Variants in TAF4 observed in about 807,000 individuals in gnomAD.
TAF4 encodes transcription initiation factor TFIID subunit 4.
TAF4 carries 9 observed loss-of-function variants against 90.3 expected under a neutral mutation model. That is an observed-to-expected ratio of 0.10 (90% CI 0.06 to 0.17). The LOEUF (loss-of-function observed/expected upper bound fraction) is 0.17. Among genes scored for constraint, TAF4 ranks in the 10% least tolerant of loss-of-function variants. The pLI is 1.00. For synonymous variants in TAF4, 818 were observed against 638.9 expected, an observed-to-expected ratio of 1.28 and a Z score of -4.23; for missense variants, 1,351 against 1,370.7, an observed-to-expected ratio of 0.99 and a Z score of 0.23.
intron 1 of TAF4, among the ~76,000 whole-genome samples, chr20:62,040,903 A>C (rs116615891): frequency 4.3e-4 from 66 of 152,364 alleles, no homozygotes; most frequent in African/African-American, 1.5e-3. Context: ...GTTCAAAAAG[A>C]AGCTTTATTC....
At chr20:62,051,072 G>A (rs1186912344) in intron 1 of TAF4, among the ~76,000 whole-genome samples, 2 of 152,212 alleles carry the variant, frequency 1.3e-5, no homozygotes, top group Non-Finnish European at 2.9e-5. Context: ...AGAAAGGGAG[G>A]AAATCACCAT....
intron 1 of TAF4, among the ~76,000 whole-genome samples, chr20:62,027,746 T>TA (rs2145490294): frequency 6.6e-6 from 1 of 152,356 alleles, no homozygotes; most frequent in South Asian, 2.1e-4. Flanking sequence ...CTAAATCACA[T>TA]ATTCATTCAA....
chr20:61,976,124 C>T lies in TAF4; in HGVS notation c.*44G>A, dbSNP rs751488620. The T allele has an allele frequency of 5.0e-6, 8 of 1,600,294 alleles. No homozygotes were observed. Among genetic ancestry groups the T allele is most frequent in the South Asian group, 2.2e-5 (2 of 90,756 alleles). On this transcript the variant is annotated 3_prime_UTR_variant, in exon 15 of 15. Transcript: ENST00000252996. ...ATCCCATTTGCTCGTTACAAAAAGG[C>T]GTAATCTGCAAATATATAAAAAGTC... is the stretch of plus-strand genomic sequence containing the variant.
intron 13 of TAF4, 56 bp downstream of exon 13, chr20:61,998,078 TGG>T: frequency 2.6e-6 from 4 of 1,516,700 alleles, no homozygotes; most frequent in Non-Finnish European, 3.6e-6. Flanking sequence ...CCCCCTCCCG[TGG>T]GGCGCTACAG....
intron 7 of TAF4, among the ~76,000 whole-genome samples, chr20:62,004,328 C>CTTTTTTTTTTTTTTTTTTTTTTTT (rs60437230): frequency 5.1e-5 from 6 of 117,196 alleles, no homozygotes; most frequent in Admixed American, 9.4e-5. Context: ...CTTTTCTTTT[C>CTTTTTTTTTTTTTTTTTTTTTTTT]TTTTTTTTTT....
chr20:62,016,204 T>G (rs1214218117), intron 1 of TAF4, among the ~76,000 whole-genome samples: 4 of 152,222 alleles, frequency 2.6e-5, no homozygotes, highest in Non-Finnish European at 5.9e-5. Flanking sequence ...ACTCGGCGCC[T>G]GGGGACCCCA....
intron 7 of TAF4, chr20:62,005,154 C>A (rs1268970553): frequency 3.3e-5 from 5 of 152,008 alleles, no homozygotes; most frequent in Non-Finnish European, 1.5e-5. Context: ...AGGCAATGCT[C>A]AGGCCAGGCC....
intron 1 of TAF4, among the ~76,000 whole-genome samples, chr20:62,046,235 G>A (rs1235972256): frequency 1.3e-5 from 2 of 152,232 alleles, no homozygotes; most frequent in Non-Finnish European, 2.9e-5. Context: ...CTGAAATACA[G>A]TTTACATAAA....
intron 9 of TAF4, among the ~76,000 whole-genome samples, chr20:62,001,760 G>A (rs2055705670): frequency 1.3e-5 from 2 of 152,170 alleles, no homozygotes; most frequent in African/African-American, 2.4e-5. Flanking sequence ...TGACATCCAC[G>A]TCCACGTCAT....
At chr20:62,016,410 G>A (rs1226985323) in intron 1 of TAF4, among the ~76,000 whole-genome samples, 1 of 152,240 alleles carries the variant, frequency 6.6e-6, no homozygotes, top group Non-Finnish European at 1.5e-5. Flanking sequence ...TGCCAGCGTG[G>A]CTAGAATAAA....
At position 61,976,255 on chromosome 20, in the gene TAF4, C is replaced by T; in HGVS notation, c.3171G>A (p.Arg1057=). ...PRQFTRQRIT[R]VNLRDLIFCL... is the part of the protein sequence containing the mutation. ...AAAATATGAGGTCCCTGAGGTTGAC[C>T]CGCGTGATTCTTTGTCGCGTGAACT... The change falls in exon 15 of 15, where the codon CGG becomes CGA. Residue 1057 remains arginine (R), a synonymous_variant. Coordinates refer to ENST00000252996, the MANE Select transcript of TAF4 (RefSeq NM_003185.4). The T allele has an allele frequency of 6.2e-7, 1 of 1,614,002 alleles. No homozygotes were observed. The highest frequency in any genetic ancestry group is 8.5e-7 in the Non-Finnish European group (1 of 1,180,042).
In TAF4 at chr20:62,065,117, C is replaced by A. The variant is rs748736187; in HGVS notation, c.694G>T (p.Ala232Ser). 5 of 1,124,788 alleles carry A rather than the reference C, an allele frequency of 4.4e-6. No homozygotes were observed. In the East Asian group the frequency reaches 2.9e-4, roughly 66 times the overall value. The allele number at this position is 1,124,788 out of a possible 1,614,324, so 69.7% of individuals were successfully genotyped here. ...GTCTGGATGACAGTGCCGGGGGCGG[C>A]GGGCTTGGGCAGCGGCAGCAGCGCG... ...PAALLPLPKPAAPGTVIQTPP... is the reference protein window; with the variant it reads ...PAALLPLPKPSAPGTVIQTPP... Residue 232 changes from alanine to serine, a missense_variant, in exon 1 of 15, where the codon GCC becomes TCC. Ala to Ser is a moderately conservative substitution (Grantham distance 99). Coordinates refer to ENST00000252996, the MANE Select transcript of TAF4 (RefSeq NM_003185.4).
chr20:61,993,259 T>C (rs1439524434), intron 14 of TAF4, among the ~76,000 whole-genome samples: 1 of 152,156 alleles, frequency 6.6e-6, no homozygotes, highest in African/African-American at 2.4e-5. Flanking sequence ...CCCAGACCCG[T>C]GTCCTCGCAA....
rs1213482451 is a variant in TAF4 at position 61,975,610 on chromosome 20, G to A, written c.*558C>T. 6.9e-6 allele frequency: 1 copy of A among 144,390 alleles called. No homozygotes were observed. Among genetic ancestry groups the A allele is most frequent in the African/African-American group, 2.6e-5 (1 of 38,940 alleles). 8.9% of individuals were successfully genotyped at this position (144,390 alleles called of 1,614,324 possible). ...TGAGGTGGGGGTGCAACGATGAATT[G>A]TGTATTCCTCCAGGATTCTCAGCGG... On this transcript the variant is annotated 3_prime_UTR_variant, in exon 15 of 15. Coordinates refer to ENST00000252996, the MANE Select transcript of TAF4 (RefSeq NM_003185.4).
intron 1 of TAF4, among the ~76,000 whole-genome samples, chr20:62,053,640 C>A (rs2056043683): frequency 6.6e-6 from 1 of 152,252 alleles, no homozygotes; most frequent in African/African-American, 2.4e-5. Context: ...CAAGGTCTCA[C>A]CTGAGCTACT....
chr20:62,062,820 A>G (rs186981791), intron 1 of TAF4, among the ~76,000 whole-genome samples: 119 of 152,330 alleles, frequency 7.8e-4, no homozygotes, highest in African/African-American at 2.8e-3. Flanking sequence ...GGCTCAGAGC[A>G]AGAGGACCTG....
intron 1 of TAF4, among the ~76,000 whole-genome samples, chr20:62,022,878 T>C (rs2055851615): frequency 6.8e-6 from 1 of 146,592 alleles, no homozygotes; most frequent in Non-Finnish European, 1.5e-5. Context: ...CCCCGCACAT[T>C]GCAGATACTA....
intron 1 of TAF4, among the ~76,000 whole-genome samples, chr20:62,033,884 T>C (rs189827264): frequency 2.7e-5 from 4 of 150,824 alleles, no homozygotes; most frequent in Admixed American, 6.6e-5. Context: ...CTACTAAAAA[T>C]ACAAAAAATT....
Position 62,064,738 on chromosome 20 carries a change from G to A in TAF4, c.1073C>T (p.Ala358Val), listed in dbSNP as rs1372308653. ...CGGGCCGCTGGCCGCCAGGGTCTGC[G>A]CCGCCGGGGGCGCCGCCTGCACCAC... ...KRVVQAAPPA[A>V]QTLAASGPAS... Residue 358 changes from alanine (A) to valine (V), a missense_variant, in exon 1 of 15, where the codon GCG becomes GTG. This residue lies in a region of TAF4 where 782 missense variants were observed against 536.6 expected (regional missense o/e 1.46). Transcript: ENST00000252996. The A allele has an allele frequency of 3.4e-6, 4 of 1,178,502 alleles. No individual in the cohort carries two copies. Among genetic ancestry groups the A allele is most frequent in the Non-Finnish European group, 4.2e-6 (4 of 958,414 alleles). The allele number at this position is 1,178,502 out of a possible 1,614,324, so 73.0% of individuals were successfully genotyped here. A position where few individuals can be genotyped will look rare whatever the true frequency, so the allele number is the denominator to read the frequency against.
Sources: gnomAD v4.1 joint callset for allele counts (sites outside exome capture counted in the v4.1 genomes callset) on GRCh38, gnomAD v4.1.1 for gene constraint, gnomAD v4.1.1 regional missense constraint, MANE v1.5 for transcripts, NCBI Gene and HGNC (gene_info 2026-07-23, HGNC 2026-07-21) for gene names.